Variants in ISY1 observed in about 807,000 individuals in gnomAD.
The protein encoded by ISY1 is ISY1 spliceosome associated protein.
Under a neutral mutation model 54.4 loss-of-function variants are expected in ISY1, and 12 were observed. That is an observed-to-expected ratio of 0.22 (90% CI 0.14 to 0.36). The LOEUF is 0.36. ISY1 is among the 10% of genes least tolerant of loss of function. The pLI is 1.00. For missense variants in ISY1, 282 were observed against 342.2 expected (o/e 0.82, Z 1.39); for synonymous variants, 96 against 117.9 (o/e 0.81, Z 1.20).
intron 7 of ISY1, 145 bp from the exon 8 acceptor site, chr3:129,135,099 AG>A (rs1317366558): frequency 8.4e-6 from 10 of 1,186,844 alleles, no homozygotes; most frequent in Non-Finnish European, 1.1e-5. Context: ...TTGTAATCCT[AG>A]CGCTTTGGGA....
chr3:129,157,055 C>T (rs2107620654), intron 3 of ISY1, 135 bp from the exon 4 acceptor site: 2 of 933,894 alleles, frequency 2.1e-6, no homozygotes, highest in Non-Finnish European at 3.2e-6. Flanking sequence ...AGATGATCCT[C>T]ATCAAGCCTT....
intron 5 of ISY1, among the ~76,000 whole-genome samples, chr3:129,147,230 A>T (rs1329589332): frequency 6.6e-6 from 1 of 151,858 alleles, no homozygotes; most frequent in Non-Finnish European, 1.5e-5. Context: ...TACAAAAATC[A>T]GCCAGGAGTG....
At chr3:129,153,298 C>A (rs1019378595) in intron 5 of ISY1, among the ~76,000 whole-genome samples, 3 of 152,192 alleles carry the variant, frequency 2.0e-5, no homozygotes, top group African/African-American at 7.2e-5. Flanking sequence ...GCGTGAGCCA[C>A]GGTGCACAGC....
At position 129,140,513 on chromosome 3, in the gene ISY1, G is replaced by A. The variant is rs370218605; in HGVS notation, c.301-28C>T. ...TATTGGGAAGAAAAAAAGAGAAAAT[G>A]GATCTGTTAGTTAGTTAGTTAGTTA... is the stretch of plus-strand genomic sequence containing the variant. On this transcript the variant is annotated intron_variant, in intron 6 of 10. Transcript: ENST00000393295. 5.1e-6 allele frequency: 8 copies of A among 1,577,584 alleles called. No individual in the cohort carries two copies. In the African/African-American group the frequency reaches 9.6e-5, roughly 19 times the overall value.
chr3:129,147,058 C>CAA (rs762063515), intron 5 of ISY1, among the ~76,000 whole-genome samples: 2 of 127,686 alleles, frequency 1.6e-5, no homozygotes, highest in Non-Finnish European at 3.4e-5. Flanking sequence ...GACCGCCATT[C>CAA]AAAAAAAAAA....
chr3:129,135,420 A>G (rs1481810394), intron 7 of ISY1, among the ~76,000 whole-genome samples: 2 of 152,134 alleles, frequency 1.3e-5, no homozygotes, highest in African/African-American at 4.8e-5. Flanking sequence ...AGCCCTTTTT[A>G]AAATCAGTAC....
chr3:129,155,904 A>G (rs1205568676), intron 5 of ISY1, among the ~76,000 whole-genome samples: 1 of 151,876 alleles, frequency 6.6e-6, no homozygotes, highest in African/African-American at 2.4e-5. Flanking sequence ...TATTTTCAGT[A>G]GAGGTGGGGT....
chr3:129,151,170 AAAAT>A (rs1936957894), intron 5 of ISY1, among the ~76,000 whole-genome samples: 1 of 147,678 alleles, frequency 6.8e-6, no homozygotes. Flanking sequence ...TAAATATATA[AAAAT>A]ATATATAAAT....
chr3:129,153,328 A>G (rs777579900), intron 5 of ISY1, among the ~76,000 whole-genome samples: 2 of 152,156 alleles, frequency 1.3e-5, no homozygotes, highest in Non-Finnish European at 2.9e-5. Flanking sequence ...TTTAACAGAT[A>G]TAGGACTACT....
chr3:129,159,304 C>T, intron 1 of ISY1, 128 bp from the exon 2 acceptor site: 2 of 1,204,582 alleles, frequency 1.7e-6, no homozygotes, highest in East Asian at 2.6e-5. Context: ...ACTATATGAA[C>T]AACAATAAAC....
At chr3:129,148,056 G>C (rs1284598404) in intron 5 of ISY1, among the ~76,000 whole-genome samples, 2 of 151,922 alleles carry the variant, frequency 1.3e-5, no homozygotes, top group Non-Finnish European at 1.5e-5. Context: ...CCAACTCCTG[G>C]ACTCAAAGCG....
At chr3:129,135,596 T>C (rs934158428) in intron 7 of ISY1, among the ~76,000 whole-genome samples, 2 of 151,650 alleles carry the variant, frequency 1.3e-5, no homozygotes, top group Non-Finnish European at 2.9e-5. Context: ...AAACCCCATC[T>C]CTACTAAAAA....
chr3:129,158,418 C>A, intron 3 of ISY1, 90 bp downstream of exon 3: 1 of 1,578,496 alleles, frequency 6.3e-7, no homozygotes, highest in East Asian at 2.3e-5. Flanking sequence ...CTCAGCCTCC[C>A]CAAGTATTGG....
At chr3:129,159,726 T>C (rs1576896632) in intron 1 of ISY1, among the ~76,000 whole-genome samples, 1 of 152,166 alleles carries the variant, frequency 6.6e-6, no homozygotes, top group African/African-American at 2.4e-5. Context: ...CCTGGCTAAG[T>C]CAGGGACTTA....
At chr3:129,139,157 G>T (rs557604897) in intron 7 of ISY1, among the ~76,000 whole-genome samples, 1 of 151,786 alleles carries the variant, frequency 6.6e-6, no homozygotes. Flanking sequence ...GGCTGGTCTC[G>T]AACTCCTGAC....
intron 6 of ISY1, 51 bp downstream of exon 6, chr3:129,145,710 T>C (rs570419775): frequency 1.3e-6 from 2 of 1,572,750 alleles, no homozygotes; most frequent in East Asian, 2.2e-5. Context: ...TGGGAACTGC[T>C]GTGGGTGGAA....
At chr3:129,130,661 C>T (rs1378468535) in intron 9 of ISY1, 25 bp from the exon 10 acceptor site, 2 of 1,613,052 alleles carry the variant, frequency 1.2e-6, no homozygotes, top group African/African-American at 2.7e-5. Context: ...AACGAAAGTC[C>T]ATCAGTAGGC....
rs1936130466 is a variant in ISY1 at position 129,127,819 on chromosome 3, T to A, written c.*2262A>T. 1 of 152,270 alleles carries A rather than the reference T, an allele frequency of 6.6e-6. No individual in the cohort carries two copies. Among genetic ancestry groups the A allele is most frequent in the African/African-American group, 2.4e-5 (1 of 41,446 alleles). 9.4% of individuals were successfully genotyped at this position (152,270 alleles called of 1,614,324 possible). A position where few individuals can be genotyped will look rare whatever the true frequency, so the allele number is the denominator to read the frequency against. ...ACTGGAGGAGGAAGACCCAGAGCCC[T>A]GGCTCTCAAGACAGGCCTGGCTCCA... On this transcript the variant is annotated 3_prime_UTR_variant, in exon 11 of 11. Coordinates refer to ENST00000393295, the MANE Select transcript of ISY1 (RefSeq NM_020701.4).
At chr3:129,138,122 C>G (rs1222754721) in intron 7 of ISY1, among the ~76,000 whole-genome samples, 1 of 141,646 alleles carries the variant, frequency 7.1e-6, no homozygotes, top group African/African-American at 2.6e-5. Flanking sequence ...TAAAAAAACA[C>G]AAAAACTTTG....
Sources: allele counts gnomAD v4.1 joint callset (sites outside exome capture counted in the v4.1 genomes callset), GRCh38; gene constraint gnomAD v4.1.1; transcripts MANE v1.5; gene names NCBI Gene and HGNC (gene_info 2026-07-23, HGNC 2026-07-21).